SNTG1: variants seen among roughly 807,000 people sequenced by gnomAD.
SNTG1 encodes gamma-1-syntrophin.
Under a neutral mutation model 74.7 loss-of-function variants are expected in SNTG1, and 39 were observed. The ratio of observed to expected loss-of-function variants is 0.52; its 90% CI spans 0.40 to 0.68. The LOEUF is 0.68. SNTG1 is among the 30% of genes least tolerant of loss of function. The pLI is 0.00. For synonymous variants in SNTG1, 254 were observed against 217.1 expected (o/e 1.17, Z -1.49); for missense variants, 685 against 609.5 (o/e 1.12, Z -1.30).
chr8:50,619,910 GAAAA>G (rs779432001), intron 13 of SNTG1, among the ~76,000 whole-genome samples: 1 of 102,174 alleles, frequency 9.8e-6, no homozygotes. Flanking sequence ...CATGTCTGCA[GAAAA>G]AAAAAAAAAA....
chr8:50,222,736 C>CG (rs1248491538), intron 2 of SNTG1, among the ~76,000 whole-genome samples: 5 of 152,172 alleles, frequency 3.3e-5, no homozygotes, highest in African/African-American at 1.2e-4. Flanking sequence ...AGACCCTCAG[C>CG]GGGGATTGCT....
chr8:50,670,137 AG>A (rs1206889797), intron 15 of SNTG1, among the ~76,000 whole-genome samples: 1 of 152,232 alleles, frequency 6.6e-6, no homozygotes, highest in Non-Finnish European at 1.5e-5. Context: ...GGCACAAGAC[AG>A]GGATGCCCTC....
intron 2 of SNTG1, among the ~76,000 whole-genome samples, chr8:50,319,474 CT>C (rs1053488839): frequency 1.3e-5 from 2 of 152,180 alleles, no homozygotes; most frequent in African/African-American, 4.8e-5. Context: ...TTAGGGAAGT[CT>C]TTAGGTTGTT....
intron 8 of SNTG1, among the ~76,000 whole-genome samples, chr8:50,475,031 A>T (rs989771943): frequency 7.1e-6 from 1 of 141,506 alleles, no homozygotes; most frequent in Non-Finnish European, 1.5e-5. Flanking sequence ...GAACAATGAG[A>T]ACACATGGAC....
intron 15 of SNTG1, among the ~76,000 whole-genome samples, chr8:50,684,887 CT>C (rs2095345990): frequency 9.3e-6 from 1 of 107,314 alleles, no homozygotes; most frequent in South Asian, 3.8e-4. Flanking sequence ...TCCCTCCCCC[CT>C]CCCCCCACCC....
Position 50,502,841 on chromosome 8 carries a change from C to G in SNTG1, c.427C>G (p.Pro143Ala), listed in dbSNP as rs150801015. The G allele has an allele frequency of 6.2e-7, 1 of 1,613,228 alleles. No homozygotes were observed. The highest frequency in any genetic ancestry group is 8.5e-7 in the Non-Finnish European group (1 of 1,179,538). ...TLTVSFLKRA[P>A]AFLKLPLNED... ...AACAGTGTCATTTTTAAAAAGAGCA[C>G]CTGCTTTCCTCAAACTCCCATTGAA... is the stretch of plus-strand genomic sequence containing the variant. Residue 143 changes from proline (P) to alanine (A), a missense_variant, in exon 9 of 19, where the codon CCT becomes GCT. Transcript: ENST00000642720.
chr8:50,122,727 CTG>C (rs1374560273), intron 1 of SNTG1, among the ~76,000 whole-genome samples: 7 of 141,146 alleles, frequency 5.0e-5, no homozygotes, highest in African/African-American at 1.8e-4. Flanking sequence ...TTTAAAATAA[CTG>C]ATGATGAGTT....
chr8:50,563,889 A>C (rs1394102996), intron 12 of SNTG1, among the ~76,000 whole-genome samples: 1 of 152,182 alleles, frequency 6.6e-6, no homozygotes, highest in Non-Finnish European at 1.5e-5. Flanking sequence ...GAAATCTTTC[A>C]ATGACATAGA....
intron 8 of SNTG1, among the ~76,000 whole-genome samples, chr8:50,479,138 A>G (rs1368167307): frequency 6.6e-6 from 1 of 152,224 alleles, no homozygotes; most frequent in Non-Finnish European, 1.5e-5. Context: ...ATTAAAACTA[A>G]TAGAATCTAG....
At chr8:50,246,719 C>G (rs562501208) in intron 2 of SNTG1, among the ~76,000 whole-genome samples, 14 of 152,198 alleles carry the variant, frequency 9.2e-5, no homozygotes, top group African/African-American at 3.1e-4. Flanking sequence ...GTAACTTTCT[C>G]AAATCACTCT....
intron 1 of SNTG1, among the ~76,000 whole-genome samples, chr8:50,149,522 C>T (rs1405412591): frequency 2.0e-5 from 3 of 151,998 alleles, no homozygotes; most frequent in African/African-American, 7.2e-5. Flanking sequence ...TTTATGGTTT[C>T]AGGTCTAACA....
chr8:50,737,844 C>T (rs1047093420), intron 17 of SNTG1, among the ~76,000 whole-genome samples: 8 of 151,846 alleles, frequency 5.3e-5, no homozygotes, highest in Admixed American at 1.3e-4. Flanking sequence ...AAAAGGCCTT[C>T]AATAAAATTC....
intron 9 of SNTG1, among the ~76,000 whole-genome samples, chr8:50,503,841 G>A (rs1199551095): frequency 1.3e-5 from 2 of 152,144 alleles, no homozygotes; most frequent in Non-Finnish European, 2.9e-5. Flanking sequence ...TGCTGGAAAC[G>A]TTCTTTTATT....
Position 50,112,186 on chromosome 8 carries a change from A to T in SNTG1, c.-102-60375A>T, listed in dbSNP as rs1010551257. ...AGAATATTATTAAGATATGACTAAA[A>T]CTAAATTTGCATTAAGAACATAGAT... On this transcript the variant is annotated intron_variant, in intron 1 of 18. Transcript: ENST00000642720. Among the ~76,000 whole-genome samples the T allele has an allele frequency of 1.5e-4, 23 of 152,282 alleles. No homozygotes were observed. The East Asian group carries it at 4.4e-3, about 29-fold the overall frequency.
At chr8:50,553,279 C>T (rs2094437835) in intron 12 of SNTG1, 100 bp downstream of exon 12, 96 of 1,420,554 alleles carry the variant, frequency 6.8e-5, no homozygotes, top group Non-Finnish European at 8.9e-5. Context: ...GTGTTCTTCT[C>T]AGAATGAGAC....
chr8:49,938,610 T>TTC (rs1554524915), intron 1 of SNTG1, among the ~76,000 whole-genome samples: 7 of 102,510 alleles, frequency 6.8e-5, no homozygotes, highest in Admixed American at 3.1e-4. Context: ...TTCTTTTCTT[T>TTC]CTTTCTTTCT....
chr8:50,745,038 AAGAT>A (rs1306353290), intron 17 of SNTG1, among the ~76,000 whole-genome samples: 19 of 152,014 alleles, frequency 1.2e-4, no homozygotes, highest in Non-Finnish European at 2.1e-4. Flanking sequence ...AACAAAATAA[AAGAT>A]AGATAAATTG....
At chr8:50,516,544 C>T (rs1585542578) in intron 9 of SNTG1, among the ~76,000 whole-genome samples, 2 of 151,996 alleles carry the variant, frequency 1.3e-5, no homozygotes, top group East Asian at 1.9e-4. Context: ...AGATAAAAAC[C>T]TTTAAAAAAA....
At chr8:50,254,716 C>T (rs1009056292) in intron 2 of SNTG1, among the ~76,000 whole-genome samples, 4 of 151,964 alleles carry the variant, frequency 2.6e-5, no homozygotes, top group South Asian at 4.1e-4. Context: ...CGTGGTGATG[C>T]GTGCCTGTAG....
Sources: allele counts gnomAD v4.1 joint callset (sites outside exome capture counted in the v4.1 genomes callset), GRCh38; gene constraint gnomAD v4.1.1; transcripts MANE v1.5; gene names NCBI Gene and HGNC (gene_info 2026-07-23, HGNC 2026-07-21).